Variants in TAF3 observed in about 807,000 individuals in gnomAD.
The protein encoded by TAF3 is transcription initiation factor TFIID subunit 3.
Under a neutral mutation model 80.6 loss-of-function variants are expected in TAF3, and 7 were observed. The observed-to-expected ratio is 0.09, with a 90% CI of 0.05 to 0.16. The LOEUF (loss-of-function observed/expected upper bound fraction) is 0.16. Ranked by LOEUF, TAF3 falls within the 10% of genes least tolerant of loss-of-function variation. The pLI is 1.00. For missense variants in TAF3, 921 were observed against 1,140.2 expected (o/e 0.81, Z 2.77); for synonymous variants, 444 against 446.1 (o/e 1.00, Z 0.06).
intron 4 of TAF3, among the ~76,000 whole-genome samples, chr10:8,006,385 A>C (rs1034405499): frequency 5.3e-5 from 8 of 152,194 alleles, no homozygotes; most frequent in Non-Finnish European, 1.2e-4. Flanking sequence ...TCAAAAAAAA[A>C]AAACCTAGAT....
intron 2 of TAF3, among the ~76,000 whole-genome samples, chr10:7,858,806 CTGTG>C (rs34538206): frequency 0.011 from 1,654 of 150,644 alleles, 21 homozygotes; most frequent in African/African-American, 0.03. Flanking sequence ...ATTATAGGCT[CTGTG>C]TGTGTGTGTG....
intron 2 of TAF3, among the ~76,000 whole-genome samples, chr10:7,831,260 C>T (rs908244175): frequency 6.6e-6 from 1 of 152,020 alleles, no homozygotes; most frequent in Non-Finnish European, 1.5e-5. Flanking sequence ...TAAATTGGTT[C>T]CTTGTTATCC....
At chr10:7,878,690 AATGTATGTATGTATGT>A (rs58593612) in intron 2 of TAF3, among the ~76,000 whole-genome samples, 51,507 of 146,888 alleles carry the variant, frequency 0.35, 10,249 homozygotes, top group Admixed American at 0.48. Flanking sequence ...TAATTCAACC[AATGTATGTATGTATGT>A]ATGTATGTAT....
At chr10:7,845,405 C>T (rs927349987) in intron 2 of TAF3, among the ~76,000 whole-genome samples, 5 of 152,108 alleles carry the variant, frequency 3.3e-5, no homozygotes, top group Non-Finnish European at 5.9e-5. Context: ...AATTAAGTCA[C>T]TTACTATATG....
rs1218836662 is a variant in TAF3 at position 7,863,626 on chromosome 10, A to AAAAAATAT, written c.409+39067_409+39068insAAAATATA. Among the ~76,000 whole-genome samples the AAAAAATAT allele has an allele frequency of 3.5e-3, 170 of 48,070 alleles. 22 individuals carry two copies. The highest frequency in any genetic ancestry group is 7.2e-3 in the East Asian group (7 of 970). The allele number at this position is 48,070 out of a possible 152,430, so 31.5% of individuals were successfully genotyped here. On this transcript the variant is annotated intron_variant, in intron 2 of 6. Coordinates refer to ENST00000344293, the MANE Select transcript of TAF3 (RefSeq NM_031923.4). ...CTCTGTCTAAAAAAAAAAAAAAAAAAATATATATATATATATATATACACA... is the reference window on the plus strand; with the variant it reads ...CTCTGTCTAAAAAAAAAAAAAAAAAAAAAAATATATATATATATATATATATATACACA...
intron 2 of TAF3, among the ~76,000 whole-genome samples, chr10:7,853,535 G>A (rs866542357): frequency 1.3e-5 from 2 of 152,204 alleles, no homozygotes; most frequent in Non-Finnish European, 1.5e-5. Flanking sequence ...GTATAAAAAT[G>A]AGGAAATATT....
chr10:7,893,563 G>T (rs1174034325), intron 2 of TAF3, among the ~76,000 whole-genome samples: 5 of 152,068 alleles, frequency 3.3e-5, no homozygotes, highest in Non-Finnish European at 7.4e-5. Flanking sequence ...TGTGGCTTTT[G>T]TTGCTGTAGC....
rs534779654 is a variant in TAF3, at chr10:7,881,286, G to A, written c.409+56726G>A. Among the ~76,000 whole-genome samples, 5 of 150,168 alleles carry A rather than the reference G, an allele frequency of 3.3e-5. No homozygotes were observed. The East Asian group carries it at 9.8e-4, about 29-fold the overall frequency. ...AACCCACAAGCTCTTTTAATATACT[G>A]TTTTCCCACCATGTGTCGCAATACT... On this transcript the variant is annotated intron_variant, in intron 2 of 6. Coordinates refer to ENST00000344293, the MANE Select transcript of TAF3 (RefSeq NM_031923.4).
At chr10:7,943,902 A>G (rs1180112492) in intron 2 of TAF3, among the ~76,000 whole-genome samples, 3 of 152,202 alleles carry the variant, frequency 2.0e-5, no homozygotes, top group Non-Finnish European at 4.4e-5. Flanking sequence ...AGCAATTTCT[A>G]AAAAATCATT....
At position 7,965,135 on chromosome 10, in the gene TAF3, G is replaced by A. The variant is rs1447032937; in HGVS notation, c.1625G>A (p.Arg542Lys). 3.1e-6 allele frequency: 5 copies of A among 1,612,588 alleles called. No individual in the cohort carries two copies. In the South Asian group the frequency reaches 3.3e-5, roughly 11 times the overall value. Residue 542 changes from arginine to lysine, a missense_variant, in exon 3 of 7, where the codon AGG becomes AAG. Coordinates refer to ENST00000344293, the MANE Select transcript of TAF3 (RefSeq NM_031923.4). ...AAAAAGAAAGAAAAGCAGAGAGATA[G>A]GGAGAGGGAAAAAGACAAGAACAAG... ...KMKKKEKQRDREREKDKNKDK... is the reference protein window; with the variant it reads ...KMKKKEKQRDKEREKDKNKDK...
intron 3 of TAF3, among the ~76,000 whole-genome samples, chr10:7,967,257 C>A (rs1831581265): frequency 1.3e-5 from 2 of 152,202 alleles, no homozygotes; most frequent in African/African-American, 4.8e-5. Context: ...AGTAAGTTGG[C>A]AGCTGAGCCC....
chr10:7,955,333 A>G (rs568151189), intron 2 of TAF3, among the ~76,000 whole-genome samples: 120 of 152,268 alleles, frequency 7.9e-4, no homozygotes, highest in Non-Finnish European at 1.5e-3. Flanking sequence ...ATTAATTTCT[A>G]CATCTGCATA....
intron 2 of TAF3, among the ~76,000 whole-genome samples, chr10:7,957,794 G>GCGCTCT (rs1554785384): frequency 3.8e-5 from 5 of 130,670 alleles, no homozygotes; most frequent in Admixed American, 1.5e-4. Flanking sequence ...TCTCTAGCGC[G>GCGCTCT]CTCTCTCTCT....
chr10:7,956,803 G>A (rs1588565469), intron 2 of TAF3, among the ~76,000 whole-genome samples: 1 of 152,146 alleles, frequency 6.6e-6, no homozygotes, highest in African/African-American at 2.4e-5. Context: ...TTGAAGTATA[G>A]CATTCACATT....
At chr10:7,837,538 G>A (rs556167923) in intron 2 of TAF3, among the ~76,000 whole-genome samples, 90 of 152,322 alleles carry the variant, frequency 5.9e-4, no homozygotes, top group African/African-American at 2.1e-3. Flanking sequence ...ATCTACTCGG[G>A]TGGCTGAGGC....
intron 2 of TAF3, among the ~76,000 whole-genome samples, chr10:7,875,998 A>C (rs1460802898): frequency 6.6e-6 from 1 of 151,534 alleles, no homozygotes; most frequent in African/African-American, 2.4e-5. Context: ...TTTCTCTTTA[A>C]GTTTTTTTAT....
rs140741027 is a variant in TAF3 at position 7,846,120 on chromosome 10, A to G, written c.409+21560A>G. Among the ~76,000 whole-genome samples the G allele has an allele frequency of 5.3e-3, 805 of 152,052 alleles. 7 individuals carry two copies. The highest frequency in any genetic ancestry group is 0.017 in the African/African-American group (697 of 41,496). ...ACTACAGGCGCCCGCCACCACGCCT[A>G]GCTAATTTTTTGTGTTTTGGTAGAG... On this transcript the variant is annotated intron_variant, in intron 2 of 6. Transcript: ENST00000344293.
At chr10:7,917,309 A>G (rs1462533666) in intron 2 of TAF3, among the ~76,000 whole-genome samples, 3 of 152,216 alleles carry the variant, frequency 2.0e-5, no homozygotes, top group Admixed American at 6.5e-5. Context: ...AAGCAAATCG[A>G]AGGGAAGAAG....
intron 2 of TAF3, among the ~76,000 whole-genome samples, chr10:7,956,739 A>G (rs1838139546): frequency 1.3e-5 from 2 of 152,218 alleles, no homozygotes; most frequent in African/African-American, 4.8e-5. Flanking sequence ...CATACCAGAC[A>G]TGCAAAACAT....
Sources: allele counts gnomAD v4.1 joint callset (sites outside exome capture counted in the v4.1 genomes callset), GRCh38; gene constraint gnomAD v4.1.1; transcripts MANE v1.5; gene names NCBI Gene and HGNC (gene_info 2026-07-23, HGNC 2026-07-21).